PPIP5K2: variants seen among roughly 807,000 people sequenced by gnomAD.
PPIP5K2 encodes the protein diphosphoinositol pentakisphosphate kinase 2, also known as inositol hexakisphosphate and diphosphoinositol-pentakisphosphate kinase 2.
Under a neutral mutation model 154.6 loss-of-function variants are expected in PPIP5K2, and 105 were observed. The observed-to-expected ratio is 0.68, with a 90% CI of 0.58 to 0.80. The LOEUF is 0.80. Ranked by LOEUF, PPIP5K2 falls within the 30% of genes least tolerant of loss-of-function variation. The pLI, the probability that PPIP5K2 is intolerant of heterozygous loss-of-function variation, is 0.00. For synonymous variants in PPIP5K2, 480 were observed against 490.3 expected, an observed-to-expected ratio of 0.98 and a Z score of 0.28; for missense variants, 992 against 1,504.6, an observed-to-expected ratio of 0.66 and a Z score of 5.64.
chr5:103,136,710 T>C (rs1428564783), intron 3 of PPIP5K2, 22 bp from the exon 4 acceptor site: 2 of 1,566,266 alleles, frequency 1.3e-6, no homozygotes, highest in Non-Finnish European at 1.8e-6. Context: ...ATACAGAATA[T>C]GTTAATAATA....
chr5:103,174,087 A>G (rs1398260869), intron 21 of PPIP5K2, 115 bp downstream of exon 21: 10 of 796,262 alleles, frequency 1.3e-5, no homozygotes, highest in Non-Finnish European at 1.9e-5. Context: ...TTACTACTTA[A>G]TGTCGTCTTT....
Position 103,151,236 on chromosome 5 carries a change from TA to T in PPIP5K2, c.907-15del. The T allele has an allele frequency of 6.3e-7, 1 of 1,578,932 alleles. No homozygotes were observed. The highest frequency in any genetic ancestry group is 8.6e-7 in the Non-Finnish European group (1 of 1,161,984). On this transcript the variant is annotated splice_polypyrimidine_tract_variant and intron_variant, in intron 8 of 30. Coordinates refer to ENST00000358359, the MANE Select transcript of PPIP5K2 (RefSeq NM_001276277.3). ...AATTTAAATAAAACCTTAAAGTTTA[TA>T]ACTTATTTTAAATAGCAAACAGTTT...
At chr5:103,122,477 G>A (rs782336595) in intron 1 of PPIP5K2, among the ~76,000 whole-genome samples, 5 of 152,136 alleles carry the variant, frequency 3.3e-5, no homozygotes, top group African/African-American at 7.2e-5. Flanking sequence ...TTAAATGAAC[G>A]TTTGAAGAAG....
intron 4 of PPIP5K2, 129 bp downstream of exon 4, chr5:103,136,951 ATAGT>A: frequency 1.5e-6 from 1 of 685,594 alleles, no homozygotes; most frequent in African/African-American, 1.8e-5. Context: ...ATACTCAGAA[ATAGT>A]TATTTATTAC....
Position 103,129,519 on chromosome 5 carries a change from C to A in PPIP5K2, c.-71C>A. 1 of 1,276,620 alleles carries A rather than the reference C, an allele frequency of 7.8e-7. No individual in the cohort carries two copies. Among genetic ancestry groups the A allele is most frequent in the Non-Finnish European group, 1.1e-6 (1 of 950,146 alleles). 79.1% of individuals were successfully genotyped at this position (1,276,620 alleles called of 1,614,324 possible). On this transcript the variant is annotated 5_prime_UTR_variant, in exon 2 of 31. The change creates a new upstream start codon in the 5' untranslated region. Transcript: ENST00000358359. The stretch of plus-strand genomic sequence containing the variant: ...GCTAATATATGGAGAATGCTTTCTT[C>A]TGATACTATTTACTTAGAGGCAGTT...
rs560483852 is a variant in PPIP5K2 at position 103,120,438 on chromosome 5, A to G, written c.-335A>G. On this transcript the variant is annotated 5_prime_UTR_variant, in exon 1 of 31. An upstream start codon of the reference 5' UTR is lost. Transcript: ENST00000358359. ...ATGAAAGGGGGTAACCTAGACCTGAATGGGCTTGACCATCTCACAACTGCT... is the reference window on the plus strand; with the variant it reads ...ATGAAAGGGGGTAACCTAGACCTGAGTGGGCTTGACCATCTCACAACTGCT... 2.4e-5 allele frequency: 11 copies of G among 456,708 alleles called. No homozygotes were observed. In the East Asian group the frequency reaches 7.0e-4, roughly 29 times the overall value. 28.3% of individuals were successfully genotyped at this position (456,708 alleles called of 1,614,324 possible).
At chr5:103,120,750 G>T in intron 1 of PPIP5K2, 1 of 327,720 alleles carries the variant, frequency 3.1e-6, no homozygotes, top group Non-Finnish European at 6.2e-6. Context: ...GCCAGAAATT[G>T]AAGATCAGCT....
chr5:103,152,534 A>T, intron 9 of PPIP5K2, 114 bp from the exon 10 acceptor site: 2 of 607,622 alleles, frequency 3.3e-6, no homozygotes, highest in Non-Finnish European at 5.8e-6. Context: ...GTTATCTTTT[A>T]TGTGATGTAA....
intron 17 of PPIP5K2, among the ~76,000 whole-genome samples, chr5:103,166,328 A>G (rs923838787): frequency 2.0e-5 from 3 of 152,136 alleles, no homozygotes; most frequent in Middle Eastern, 3.4e-3. Context: ...CATCATGACA[A>G]TGCTCCTGCT....
chr5:103,174,087 A>C, intron 21 of PPIP5K2, 115 bp downstream of exon 21: 1 of 796,378 alleles, frequency 1.3e-6, no homozygotes, highest in Non-Finnish European at 1.9e-6. Flanking sequence ...TTACTACTTA[A>C]TGTCGTCTTT....
Position 103,202,721 on chromosome 5 carries a change from C to T in PPIP5K2, c.*1087C>T, listed in dbSNP as rs553472501. ...TCAATTTATTATCCTTGGTGCTTTC[C>T]CCCCCACCAATGCACAAATAATTGT... is the stretch of plus-strand genomic sequence containing the variant. On this transcript the variant is annotated 3_prime_UTR_variant, in exon 31 of 31. Transcript: ENST00000358359. 2.3e-4 allele frequency: 35 copies of T among 152,010 alleles called. No homozygotes were observed. The South Asian group carries it at 7.1e-3, about 31-fold the overall frequency. 9.4% of individuals were successfully genotyped at this position (152,010 alleles called of 1,614,324 possible). A position where few individuals can be genotyped will look rare whatever the true frequency, so the allele number is the denominator to read the frequency against.
chr5:103,211,444 A>C lies in PPIP5K2; in HGVS notation c.*9810A>C, dbSNP rs1274322184. 1 of 152,006 alleles carries C rather than the reference A, an allele frequency of 6.6e-6. No homozygotes were observed. Among genetic ancestry groups the C allele is most frequent in the Non-Finnish European group, 1.5e-5 (1 of 67,940 alleles). 9.4% of individuals were successfully genotyped at this position (152,006 alleles called of 1,614,324 possible). A position where few individuals can be genotyped will look rare whatever the true frequency, so the allele number is the denominator to read the frequency against. On this transcript the variant is annotated 3_prime_UTR_variant, in exon 31 of 31. Coordinates refer to ENST00000358359, the MANE Select transcript of PPIP5K2 (RefSeq NM_001276277.3). Reference sequence around the variant, plus strand: ...AGTTAGTTGCCAAATATGGTGTGGGAATTTGGGAGGAATTTATCTGCTCAA... The same window carrying C: ...AGTTAGTTGCCAAATATGGTGTGGGCATTTGGGAGGAATTTATCTGCTCAA...
intron 30 of PPIP5K2, among the ~76,000 whole-genome samples, chr5:103,197,471 T>G (rs1802264672): frequency 6.6e-6 from 1 of 151,894 alleles, no homozygotes; most frequent in African/African-American, 2.4e-5. Context: ...TTTTTTTTTG[T>G]GATCATTCTC....
In PPIP5K2 at chr5:103,153,884, T is replaced by C; in HGVS notation, c.1167T>C (p.His389=). The change falls in exon 11 of 31, where the codon CAT becomes CAC. Residue 389 remains histidine (H), a synonymous_variant. Coordinates refer to ENST00000358359, the MANE Select transcript of PPIP5K2 (RefSeq NM_001276277.3). ...GATGTGTCATAGCTGTTATACGTCA[T>C]GGGGATCGAACACCAAAACAAAAAA... ...ELRCVIAVIR[H]GDRTPKQKMK... 5 of 1,608,158 alleles carry C rather than the reference T, an allele frequency of 3.1e-6. No individual in the cohort carries two copies. Among genetic ancestry groups the C allele is most frequent in the South Asian group, 1.1e-5 (1 of 90,240 alleles).
chr5:103,176,934 T>C (rs577913937), intron 21 of PPIP5K2: 2 of 1,434,470 alleles, frequency 1.4e-6, no homozygotes. Flanking sequence ...AATTTACATA[T>C]GCCTCCTTCT....
At chr5:103,168,047 A>G (rs1554218464) in intron 18 of PPIP5K2, 25 bp from the exon 19 acceptor site, 2 of 1,472,528 alleles carry the variant, frequency 1.4e-6, no homozygotes, top group South Asian at 1.2e-5. Context: ...AAGTTGCATA[A>G]ACTAAAAATG....
At position 103,130,664 on chromosome 5, in the gene PPIP5K2, A is replaced by G. The variant is rs531343769; in HGVS notation, c.114+961A>G. Among the ~76,000 whole-genome samples, 19 of 152,290 alleles carry G rather than the reference A, an allele frequency of 1.2e-4. No individual in the cohort carries two copies. In the East Asian group the frequency reaches 3.1e-3, roughly 25 times the overall value. On this transcript the variant is annotated intron_variant, in intron 2 of 30. Coordinates refer to ENST00000358359, the MANE Select transcript of PPIP5K2 (RefSeq NM_001276277.3). ...CCCCTGAAAAACTAGATTTTCAGGC[A>G]GGCTTCTCTTACCAGCTCAAACTTT... is the stretch of plus-strand genomic sequence containing the variant.
chr5:103,138,467 A>G lies in PPIP5K2; in HGVS notation c.485A>G (p.Lys162Arg). Residue 162 changes from lysine (K) to arginine (R), a missense_variant and splice_region_variant, in exon 5 of 31, where the codon AAA becomes AGA. Lys to Arg is a conservative substitution (Grantham distance 26, BLOSUM62 2). Coordinates refer to ENST00000358359, the MANE Select transcript of PPIP5K2 (RefSeq NM_001276277.3). The stretch of plus-strand genomic sequence containing the variant: ...TTGAACCGTGACCCAAATAATCCCA[A>G]AGGTAAGAGTAAGAGATTTTAGGTA... ...AILNRDPNNPKECNLIEGEDH... is the reference protein window; with the variant it reads ...AILNRDPNNPRECNLIEGEDH... 1.3e-6 allele frequency: 2 copies of G among 1,592,520 alleles called. No individual in the cohort carries two copies. Among genetic ancestry groups the G allele is most frequent in the Non-Finnish European group, 1.7e-6 (2 of 1,162,738 alleles).
chr5:103,201,691 T>G lies in PPIP5K2; in HGVS notation c.*57T>G. The G allele has an allele frequency of 8.2e-7, 1 of 1,214,040 alleles. No homozygotes were observed. Among genetic ancestry groups the G allele is most frequent in the Non-Finnish European group, 1.2e-6 (1 of 860,604 alleles). 75.2% of individuals were successfully genotyped at this position (1,214,040 alleles called of 1,614,324 possible). A position where few individuals can be genotyped will look rare whatever the true frequency, so the allele number is the denominator to read the frequency against. On this transcript the variant is annotated 3_prime_UTR_variant, in exon 31 of 31. Coordinates refer to ENST00000358359, the MANE Select transcript of PPIP5K2 (RefSeq NM_001276277.3). Reference sequence around the variant, plus strand: ...TATAAAAATAGTATGTTCTTATGTTTCTCCTTATGCATTTATGTGTTCACT... The same window carrying G: ...TATAAAAATAGTATGTTCTTATGTTGCTCCTTATGCATTTATGTGTTCACT...
Sources: allele counts gnomAD v4.1 joint callset (sites outside exome capture counted in the v4.1 genomes callset), GRCh38; gene constraint gnomAD v4.1.1; transcripts MANE v1.5; gene names NCBI Gene and HGNC (gene_info 2026-07-23, HGNC 2026-07-21).